Variants in DEPDC1 observed in about 807,000 individuals in gnomAD.
The protein encoded by DEPDC1 is DEP domain containing 1, also known as DEP domain-containing protein 1A.
A neutral mutation model predicts 86.8 loss-of-function variants in DEPDC1; 66 were observed. That is an observed-to-expected ratio of 0.76 (90% CI 0.62 to 0.93). The LOEUF (loss-of-function observed/expected upper bound fraction) is 0.93. Ranked by LOEUF, DEPDC1 falls within the 40% of genes least tolerant of loss-of-function variation. The pLI is 0.00. For missense variants in DEPDC1, 792 were observed against 935.7 expected (o/e 0.85, Z 2.00); for synonymous variants, 255 against 314.9 (o/e 0.81, Z 2.02).
intron 4 of DEPDC1, 50 bp from the exon 5 acceptor site, chr1:68,488,554 C>T: frequency 6.9e-7 from 1 of 1,446,862 alleles, no homozygotes; most frequent in African/African-American, 1.5e-5. Flanking sequence ...ATAGATTATA[C>T]ATATGAATAT....
At chr1:68,481,336 C>A (rs1646153783) in intron 9 of DEPDC1, 104 bp downstream of exon 9, 1 of 1,015,590 alleles carries the variant, frequency 9.8e-7, no homozygotes, top group South Asian at 1.8e-5. Flanking sequence ...AAGAATCTAG[C>A]ACTTTAAGAC....
chr1:68,494,142 T>C lies in DEPDC1; in HGVS notation c.314+288A>G, dbSNP rs145509018. On this transcript the variant is annotated intron_variant, in intron 2 of 11. Coordinates refer to ENST00000456315, the MANE Select transcript of DEPDC1 (RefSeq NM_001114120.3). ...CAACTAAAGGTCAGTAATATGTCCT[T>C]AAAATGTTATAAAGTGTTCAGAATA... 4.6e-3 allele frequency among the ~76,000 whole-genome samples: 705 copies of C among 152,344 alleles called. 4 individuals are homozygous for C. Among genetic ancestry groups the C allele is most frequent in the Middle Eastern group, 0.02 (6 of 294 alleles).
In DEPDC1 at chr1:68,493,822, T is replaced by C. The variant is rs1011994621; in HGVS notation, c.314+608A>G. On this transcript the variant is annotated intron_variant, in intron 2 of 11. Coordinates refer to ENST00000456315, the MANE Select transcript of DEPDC1 (RefSeq NM_001114120.3). ...CCTCCACCTCCCAGGCTCAAGCAGT[T>C]CTCGTGCCTCAGTCTCAGGTGTGTG... Among the ~76,000 whole-genome samples, 92 of 152,254 alleles carry C rather than the reference T, an allele frequency of 6.0e-4. 1 individual carries two copies. Among genetic ancestry groups the C allele is most frequent in the Non-Finnish European group, 7.4e-5 (5 of 68,016 alleles).
Position 68,477,044 on chromosome 1 carries a change from T to A in DEPDC1, c.2324A>T (p.Tyr775Phe). ...KQFQKEYPLI[Y>F]QKRFPTTESE... ...CTCCGTGGTTGGAAATCTTTTCTGA[T>A]ATATCAAAGGATATTCCTTCTGAAA... Residue 775 changes from tyrosine (Y) to phenylalanine (F), a missense_variant, in exon 12 of 12, where the codon TAT becomes TTT. By Grantham distance (22) the Tyr-to-Phe change is conservative (BLOSUM62 3). Coordinates refer to ENST00000456315, the MANE Select transcript of DEPDC1 (RefSeq NM_001114120.3). 1 of 1,608,208 alleles carries A rather than the reference T, an allele frequency of 6.2e-7. No individual in the cohort carries two copies. Among genetic ancestry groups the A allele is most frequent in the East Asian group, 2.2e-5 (1 of 44,706 alleles).
chr1:68,493,044 G>A (rs547760396), intron 2 of DEPDC1, among the ~76,000 whole-genome samples: 2 of 152,248 alleles, frequency 1.3e-5, no homozygotes, highest in African/African-American at 2.4e-5. Context: ...AAAAGTAGGC[G>A]AAGACATGGC....
intron 9 of DEPDC1, 66 bp downstream of exon 9, chr1:68,481,374 C>T (rs1042858042): frequency 4.3e-6 from 6 of 1,410,804 alleles, no homozygotes; most frequent in African/African-American, 1.4e-5. Flanking sequence ...AGTACTTTTA[C>T]GTAGTTTGGT....
chr1:68,481,768 T>G (rs2100249851), intron 8 of DEPDC1, 156 bp from the exon 9 acceptor site: 2 of 665,566 alleles, frequency 3.0e-6, no homozygotes, highest in East Asian at 2.9e-5. Flanking sequence ...CATGGTAAGA[T>G]TCTCATTATT....
In DEPDC1 at chr1:68,494,511, T is replaced by C; in HGVS notation, c.233A>G (p.Lys78Arg). 1 of 1,613,774 alleles carries C rather than the reference T, an allele frequency of 6.2e-7. No homozygotes were observed. ...TTCAATTACATGATTCTTAAGAAAT[T>C]TCCTCAACAGTTGGATAGTCTGTTG... The part of the protein sequence containing the change: ...TRQQTIQLLR[K>R]FLKNHVIEDI... Residue 78 changes from lysine to arginine, a missense_variant, in exon 2 of 12, where the codon AAA becomes AGA. Transcript: ENST00000456315.
intron 6 of DEPDC1, 79 bp from the exon 7 acceptor site, chr1:68,484,169 T>A (rs1442873798): frequency 6.0e-6 from 7 of 1,163,750 alleles, no homozygotes; most frequent in South Asian, 1.8e-5. Context: ...AAGTATAAAA[T>A]CTGTATTTCA....
At chr1:68,488,834 T>C in intron 4 of DEPDC1, 82 bp downstream of exon 4, 2 of 925,636 alleles carry the variant, frequency 2.2e-6, no homozygotes, top group South Asian at 1.4e-5. Context: ...TCTGTTCTGA[T>C]TCATTTGCAT....
At position 68,475,811 on chromosome 1, in the gene DEPDC1, T is replaced by G. The variant is rs1288931423; in HGVS notation, c.*1121A>C. ...AGTCAATGTGCCATTATCTTGACAC[T>G]TATAAAAATGTTTATAAAAAGCATT... On this transcript the variant is annotated 3_prime_UTR_variant, in exon 12 of 12. Transcript: ENST00000456315. 6.6e-6 allele frequency: 1 copy of G among 151,910 alleles called. No individual in the cohort carries two copies. The highest frequency in any genetic ancestry group is 6.6e-5 in the Admixed American group (1 of 15,218). 9.4% of individuals were successfully genotyped at this position (151,910 alleles called of 1,614,324 possible).
In DEPDC1 at chr1:68,477,978, G is replaced by A; in HGVS notation, c.2113-6C>T. On this transcript the variant is annotated splice_region_variant and splice_polypyrimidine_tract_variant and intron_variant, in intron 10 of 11. Coordinates refer to ENST00000456315, the MANE Select transcript of DEPDC1 (RefSeq NM_001114120.3). ...CCATCTCCAGGATTTTCAATCTGTAGTGATCAAAATGATATAACTCTGTTA... is the reference window on the plus strand; with the variant it reads ...CCATCTCCAGGATTTTCAATCTGTAATGATCAAAATGATATAACTCTGTTA... The A allele has an allele frequency of 1.3e-6, 2 of 1,518,448 alleles. No homozygotes were observed. The highest frequency in any genetic ancestry group is 1.8e-6 in the Non-Finnish European group (2 of 1,132,682). 94.1% of individuals were successfully genotyped at this position (1,518,448 alleles called of 1,614,324 possible).
At chr1:68,483,248 T>C (rs746831667) in intron 7 of DEPDC1, 1 of 525,674 alleles carries the variant, frequency 1.9e-6, no homozygotes, top group South Asian at 1.4e-5. Context: ...ATAAAATACA[T>C]ATATTTGATC....
chr1:68,476,681 G>A lies in DEPDC1; in HGVS notation c.*251C>T, dbSNP rs1466084780. Reference sequence around the variant, plus strand: ...TAAATAAAATTTTAGCACACATCATGATAGCCTTACTGGATAGCTGTGTTA... The same window carrying A: ...TAAATAAAATTTTAGCACACATCATAATAGCCTTACTGGATAGCTGTGTTA... On this transcript the variant is annotated 3_prime_UTR_variant, in exon 12 of 12. Coordinates refer to ENST00000456315, the MANE Select transcript of DEPDC1 (RefSeq NM_001114120.3). 3 of 300,526 alleles carry A rather than the reference G, an allele frequency of 1.0e-5. No individual in the cohort carries two copies. Among genetic ancestry groups the A allele is most frequent in the Non-Finnish European group, 1.8e-5 (3 of 164,048 alleles). 18.6% of individuals were successfully genotyped at this position (300,526 alleles called of 1,614,324 possible).
intron 7 of DEPDC1, chr1:68,483,465 G>A (rs987446931): frequency 1.6e-5 from 6 of 382,134 alleles, no homozygotes; most frequent in Non-Finnish European, 2.5e-5. Context: ...ATTGACAACA[G>A]TGACCAATGA....
At chr1:68,495,397 TTTAA>T (rs2100278191) in intron 1 of DEPDC1, among the ~76,000 whole-genome samples, 1 of 152,328 alleles carries the variant, frequency 6.6e-6, no homozygotes, top group South Asian at 2.1e-4. Context: ...ATTATTTCAC[TTTAA>T]TTACCCCAAT....
chr1:68,492,020 G>T (rs995129683), intron 2 of DEPDC1, among the ~76,000 whole-genome samples: 1 of 150,904 alleles, frequency 6.6e-6, no homozygotes, highest in African/African-American at 2.4e-5. Context: ...GCCTCCAAAA[G>T]TGCTGGGATT....
chr1:68,489,102 A>C (rs550538225), intron 3 of DEPDC1, 68 bp from the exon 4 acceptor site: 1 of 937,354 alleles, frequency 1.1e-6, no homozygotes, highest in African/African-American at 1.6e-5. Context: ...AGCAACAATA[A>C]TTCTATTACT....
chr1:68,490,976 A>C (rs1009179649), intron 2 of DEPDC1, among the ~76,000 whole-genome samples: 6 of 152,210 alleles, frequency 3.9e-5, no homozygotes, highest in African/African-American at 1.4e-4. Context: ...ATAACTGGTA[A>C]GTTACATGCC....
Sources: allele counts gnomAD v4.1 joint callset (sites outside exome capture counted in the v4.1 genomes callset), GRCh38; gene constraint gnomAD v4.1.1; transcripts MANE v1.5; gene names NCBI Gene and HGNC (gene_info 2026-07-23, HGNC 2026-07-21).